The following LRMDA variants were observed in gnomAD, a reference collection of about 807,000 sequenced individuals.
The protein encoded by LRMDA is leucine rich melanocyte differentiation associated.
Under a neutral mutation model 29.8 loss-of-function variants are expected in LRMDA, and 18 were observed. That is an observed-to-expected ratio of 0.60 (90% CI 0.42 to 0.90). The LOEUF is 0.90. Among genes scored for constraint, LRMDA ranks in the 40% least tolerant of loss-of-function variants. The probability of loss-of-function intolerance (pLI) is 0.00; values close to 1 mark genes in which losing one functional copy is unlikely to be tolerated. For synonymous variants in LRMDA, 125 were observed against 109.4 expected (o/e 1.14, Z -0.89); for missense variants, 273 against 273.9 (o/e 1.00, Z 0.02).
chr10:75,866,863 C>T (rs907235789), intron 2 of LRMDA, among the ~76,000 whole-genome samples: 11 of 152,082 alleles, frequency 7.2e-5, no homozygotes, highest in Non-Finnish European at 2.9e-5. Flanking sequence ...GTTTGCTGGT[C>T]GTGTCAAGAG....
chr10:76,293,042 C>T (rs1013017991), intron 5 of LRMDA, among the ~76,000 whole-genome samples: 8 of 152,142 alleles, frequency 5.3e-5, no homozygotes, highest in East Asian at 1.9e-4. Flanking sequence ...AATCTCGGCT[C>T]GGCTCACTGC....
chr10:75,882,210 A>G (rs1845306229), intron 2 of LRMDA, among the ~76,000 whole-genome samples: 2 of 152,208 alleles, frequency 1.3e-5, no homozygotes. Context: ...GGGTCAGTTA[A>G]TGGAAGGCCT....
intron 2 of LRMDA, among the ~76,000 whole-genome samples, chr10:75,465,034 A>G (rs1418901867): frequency 6.6e-6 from 1 of 152,158 alleles, no homozygotes; most frequent in African/African-American, 2.4e-5. Context: ...TCTTCCTTTC[A>G]GATTCTGTGT....
chr10:75,954,121 C>G lies in LRMDA; in HGVS notation c.132-81887C>G, dbSNP rs575742097. Among the ~76,000 whole-genome samples, 74 of 152,310 alleles carry G rather than the reference C, an allele frequency of 4.9e-4. No homozygotes were observed. In the South Asian group the frequency reaches 7.7e-3, roughly 16 times the overall value. ...GCCAGCAAGGAGTCAGAGACATCAG[C>G]TGTACAGCTGCAAGGAACTGAATTC... On this transcript the variant is annotated intron_variant, in intron 2 of 6. Transcript: ENST00000611255.
chr10:75,750,091 A>C (rs115912948), intron 2 of LRMDA, among the ~76,000 whole-genome samples: 3,482 of 152,270 alleles, frequency 0.023, 143 homozygotes, highest in African/African-American at 0.08. Flanking sequence ...CCCTTTTTCT[A>C]TTCGACAAAA....
intron 2 of LRMDA, among the ~76,000 whole-genome samples, chr10:75,810,191 G>A (rs994615918): frequency 6.6e-6 from 1 of 152,242 alleles, no homozygotes; most frequent in African/African-American, 2.4e-5. Flanking sequence ...GGCATGACGA[G>A]GCCAGGGCAG....
chr10:75,954,447 T>G (rs1378283091), intron 2 of LRMDA, among the ~76,000 whole-genome samples: 1 of 152,246 alleles, frequency 6.6e-6, no homozygotes, highest in Admixed American at 6.5e-5. Context: ...GCATCTCATG[T>G]TGCTAAAATG....
At chr10:75,723,557 G>T (rs759450176) in intron 2 of LRMDA, among the ~76,000 whole-genome samples, 15 of 152,208 alleles carry the variant, frequency 9.9e-5, no homozygotes, top group African/African-American at 3.6e-4. Context: ...GCAGTTGTGT[G>T]TCCCCAGTGC....
intron 2 of LRMDA, among the ~76,000 whole-genome samples, chr10:75,447,307 T>C (rs953673934): frequency 2.0e-5 from 3 of 152,028 alleles, no homozygotes. Flanking sequence ...TGGTGGGTGA[T>C]GTATAATGTC....
At chr10:75,878,555 T>A in intron 2 of LRMDA, among the ~76,000 whole-genome samples, 1 of 152,082 alleles carries the variant, frequency 6.6e-6, no homozygotes, top group Non-Finnish European at 1.5e-5. Context: ...TCTAGCTGAT[T>A]GTGTCTGTGC....
chr10:75,844,564 G>A (rs892151510), intron 2 of LRMDA, among the ~76,000 whole-genome samples: 2 of 152,078 alleles, frequency 1.3e-5, no homozygotes, highest in Non-Finnish European at 2.9e-5. Context: ...CAATTTTCTC[G>A]AAACACAGGC....
intron 5 of LRMDA, among the ~76,000 whole-genome samples, chr10:76,073,654 C>T (rs540275647): frequency 2.6e-5 from 4 of 152,212 alleles, no homozygotes; most frequent in South Asian, 2.1e-4. Flanking sequence ...GGCACACAAG[C>T]GGTTTTAGGC....
At chr10:75,597,634 C>T (rs866212193) in intron 2 of LRMDA, among the ~76,000 whole-genome samples, 1 of 152,102 alleles carries the variant, frequency 6.6e-6, no homozygotes, top group African/African-American at 2.4e-5. Flanking sequence ...ATGTTTTATC[C>T]CCCTCTCTCC....
At chr10:76,267,208 T>G (rs578049478) in intron 5 of LRMDA, among the ~76,000 whole-genome samples, 4 of 151,662 alleles carry the variant, frequency 2.6e-5, no homozygotes, top group African/African-American at 9.7e-5. Context: ...TTTTTTTTTG[T>G]TTTTTTTAAA....
intron 2 of LRMDA, among the ~76,000 whole-genome samples, chr10:75,496,632 T>C (rs1011615734): frequency 2.0e-5 from 3 of 152,170 alleles, no homozygotes; most frequent in Non-Finnish European, 4.4e-5. Flanking sequence ...TTATGTGAGA[T>C]GGGTATACCA....
At chr10:75,870,175 CAT>C (rs1845085153) in intron 2 of LRMDA, among the ~76,000 whole-genome samples, 1 of 152,102 alleles carries the variant, frequency 6.6e-6, no homozygotes, top group Admixed American at 6.5e-5. Context: ...TAATTCTTGA[CAT>C]ATGAAAAATA....
At chr10:76,342,639 G>T (rs1841055572) in intron 6 of LRMDA, among the ~76,000 whole-genome samples, 4 of 151,464 alleles carry the variant, frequency 2.6e-5, no homozygotes, top group Non-Finnish European at 4.4e-5. Flanking sequence ...TAAAGAAAAT[G>T]CAAATATACA....
At position 75,466,430 on chromosome 10, in the gene LRMDA, G is replaced by A. The variant is rs903444890; in HGVS notation, c.131+27936G>A. ...AGCCTCTATGGTACCTTTTTTCTTTGCCTGATAAGTTCTTCAGTTGCCCCC... is the reference window on the plus strand; with the variant it reads ...AGCCTCTATGGTACCTTTTTTCTTTACCTGATAAGTTCTTCAGTTGCCCCC... On this transcript the variant is annotated intron_variant, in intron 2 of 6. Coordinates refer to ENST00000611255, the MANE Select transcript of LRMDA (RefSeq NM_001305581.2). 5.9e-5 allele frequency among the ~76,000 whole-genome samples: 9 copies of A among 152,124 alleles called. 1 individual carries two copies. Among genetic ancestry groups the A allele is most frequent in the Admixed American group, 5.9e-4 (9 of 15,290 alleles).
chr10:76,474,021 C>A (rs1842643422), intron 6 of LRMDA, among the ~76,000 whole-genome samples: 2 of 151,476 alleles, frequency 1.3e-5, no homozygotes, highest in Admixed American at 1.3e-4. Context: ...ACACATAGAT[C>A]AAAGGAATAG....
Sources: allele counts gnomAD v4.1 joint callset (sites outside exome capture counted in the v4.1 genomes callset), GRCh38; gene constraint gnomAD v4.1.1; transcripts MANE v1.5; gene names NCBI Gene and HGNC (gene_info 2026-07-23, HGNC 2026-07-21).